Variants in UGT1A8 observed in about 807,000 individuals in gnomAD.
UGT1A8 encodes the protein UDP glucuronosyltransferase family 1 member A8, also known as UDP-glucuronosyltransferase 1A8.
Under a neutral mutation model 45.3 loss-of-function variants are expected in UGT1A8, and 39 were observed. The observed-to-expected ratio is 0.86, with a 90% CI of 0.67 to 1.12. The LOEUF (loss-of-function observed/expected upper bound fraction) is 1.12, where lower values mean the gene tolerates loss of function less well. Among genes scored for constraint, UGT1A8 ranks in the 50% most tolerant of loss-of-function variants. The pLI, the probability that UGT1A8 is intolerant of heterozygous loss-of-function variation, is 0.00. For missense variants in UGT1A8, 719 were observed against 664.9 expected (o/e 1.08, Z -0.90); for synonymous variants, 275 against 249.2 (o/e 1.10, Z -0.97).
In UGT1A8 at chr2:233,732,508, T is replaced by C. The variant is rs534063439; in HGVS notation, c.856-34526T>C. The stretch of plus-strand genomic sequence containing the variant: ...TGTATAAGGCGTAAGGAAGGGATCC[T>C]GTTCCAGCTTTCTACATATGGCCAG... On this transcript the variant is annotated intron_variant, in intron 1 of 4. Coordinates refer to ENST00000373450, the MANE Select transcript of UGT1A8 (RefSeq NM_019076.5). Among the ~76,000 whole-genome samples the C allele has an allele frequency of 1.1e-4, 16 of 152,348 alleles. 1 individual carries two copies. The South Asian group carries it at 3.3e-3, about 32-fold the overall frequency.
chr2:233,710,097 A>G (rs530644848), intron 1 of UGT1A8, among the ~76,000 whole-genome samples: 1 of 152,334 alleles, frequency 6.6e-6, no homozygotes, highest in South Asian at 2.1e-4. Flanking sequence ...TGCATGTATC[A>G]ATATTTCATT....
intron 1 of UGT1A8, among the ~76,000 whole-genome samples, chr2:233,674,762 C>T (rs1053532026): frequency 4.6e-5 from 7 of 152,106 alleles, no homozygotes; most frequent in Admixed American, 2.6e-4. Context: ...TATGACTATA[C>T]GTGTAAAGCC....
chr2:233,682,738 C>T, intron 1 of UGT1A8: 1 of 1,613,880 alleles, frequency 6.2e-7, no homozygotes, highest in Non-Finnish European at 8.5e-7. Context: ...CCGTGATGCC[C>T]AATATGATCT....
chr2:233,680,635 C>T (rs2074493231), intron 1 of UGT1A8, among the ~76,000 whole-genome samples: 1 of 152,090 alleles, frequency 6.6e-6, no homozygotes, highest in South Asian at 2.1e-4. Context: ...AATGAGAATT[C>T]CCATGGACTT....
chr2:233,623,938 G>T (rs535515002), intron 1 of UGT1A8, among the ~76,000 whole-genome samples: 1 of 152,008 alleles, frequency 6.6e-6, no homozygotes, highest in Non-Finnish European at 1.5e-5. Context: ...CATCCACAGG[G>T]GTCCTGCAAA....
chr2:233,635,413 A>G (rs2073265634), intron 1 of UGT1A8, among the ~76,000 whole-genome samples: 1 of 150,530 alleles, frequency 6.6e-6, no homozygotes, highest in Non-Finnish European at 1.5e-5. Context: ...ATTTTTTAAA[A>G]AATTATACTT....
rs185880509 is a variant in UGT1A8 at position 233,715,758 on chromosome 2, C to T, written c.856-51276C>T. 7.9e-5 allele frequency among the ~76,000 whole-genome samples: 12 copies of T among 152,156 alleles called. No individual in the cohort carries two copies. In the East Asian group the frequency reaches 1.9e-3, roughly 24 times the overall value. ...CCTCACTCCAGCCTGAGTGACAGAG[C>T]GAGGACCCATCTCAAAAAAATAAAA... On this transcript the variant is annotated intron_variant, in intron 1 of 4. Coordinates refer to ENST00000373450, the MANE Select transcript of UGT1A8 (RefSeq NM_019076.5).
At chr2:233,718,331 G>A (rs1043504676) in intron 1 of UGT1A8, among the ~76,000 whole-genome samples, 5 of 152,242 alleles carry the variant, frequency 3.3e-5, no homozygotes, top group African/African-American at 4.8e-5. Context: ...GCTTAGCAAT[G>A]TTGTATGTCT....
intron 1 of UGT1A8, chr2:233,740,955 A>G (rs1274225683): frequency 1.3e-5 from 2 of 151,640 alleles, no homozygotes; most frequent in Non-Finnish European, 2.9e-5. Flanking sequence ...TAGGTGTGGT[A>G]GCATTTCTGT....
At chr2:233,618,636 G>A (rs954077457) in intron 1 of UGT1A8, 74 bp downstream of exon 1, 20 of 1,525,874 alleles carry the variant, frequency 1.3e-5, no homozygotes, top group Non-Finnish European at 1.8e-5. Context: ...TTACTGAATT[G>A]TGATTTGACA....
chr2:233,730,805 C>T lies in UGT1A8; in HGVS notation c.856-36229C>T, dbSNP rs1300674674. On this transcript the variant is annotated intron_variant, in intron 1 of 4. Coordinates refer to ENST00000373450, the MANE Select transcript of UGT1A8 (RefSeq NM_019076.5). ...CTGGGGACAGTGATGAATGGACATG[C>T]GTCCAAGAAGGGAAGCATTTCTCAG... Among the ~76,000 whole-genome samples the T allele has an allele frequency of 3.3e-5, 5 of 152,230 alleles. 1 individual carries two copies. The highest frequency in any genetic ancestry group is 2.0e-4 in the Admixed American group (3 of 15,282).
At position 233,618,196 on chromosome 2, in the gene UGT1A8, C is replaced by G; in HGVS notation, c.489C>G (p.Leu163=). Reference sequence around the variant, plus strand: ...TAATTGTTGCCAAATATTTCTCCCTCCCCTCTGTGGTCTTCGCCAGGGGAA... The same window carrying G: ...TAATTGTTGCCAAATATTTCTCCCTGCCCTCTGTGGTCTTCGCCAGGGGAA... ...CGLIVAKYFS[L]PSVVFARGIA... Residue 163 remains leucine, a synonymous_variant, in exon 1 of 5, where the codon CTC becomes CTG. Transcript: ENST00000373450. 6.2e-7 allele frequency: 1 copy of G among 1,614,026 alleles called. No homozygotes were observed. The highest frequency in any genetic ancestry group is 8.5e-7 in the Non-Finnish European group (1 of 1,179,982).
In UGT1A8 at chr2:233,767,881, G is replaced by A. The variant is rs1468683280; in HGVS notation, c.1020G>A (p.Ser340=). The A allele has an allele frequency of 1.1e-5, 17 of 1,613,962 alleles. No individual in the cohort carries two copies. The highest frequency in any genetic ancestry group is 1.2e-5 in the Non-Finnish European group (14 of 1,180,050). ...VLWRYTGTRP[S]NLANNTILVK... is the part of the protein sequence containing the mutation. ...GGCGGTACACTGGAACCCGACCATC[G>A]AATCTTGCGAACAACACGATACTTG... The change falls in exon 3 of 5, where the codon TCG becomes TCA. Residue 340 remains serine, a synonymous_variant. Transcript: ENST00000373450.
At chr2:233,731,616 A>C (rs1404847931) in intron 1 of UGT1A8, among the ~76,000 whole-genome samples, 2 of 152,182 alleles carry the variant, frequency 1.3e-5, no homozygotes, top group Non-Finnish European at 2.9e-5. Flanking sequence ...ACATGAACTC[A>C]TCCTTTTTTA....
chr2:233,667,443 A>G (rs1353558153), intron 1 of UGT1A8, among the ~76,000 whole-genome samples: 2 of 152,354 alleles, frequency 1.3e-5, no homozygotes, highest in East Asian at 1.9e-4. Flanking sequence ...AAGAAAACCT[A>G]GGCATTACCA....
intron 1 of UGT1A8, among the ~76,000 whole-genome samples, chr2:233,636,120 T>C (rs935280559): frequency 5.3e-5 from 8 of 150,982 alleles, no homozygotes; most frequent in Non-Finnish European, 8.8e-5. Flanking sequence ...ACAGAGAGTA[T>C]TTGGTTGGCT....
At chr2:233,690,080 T>C (rs2074974385) in intron 1 of UGT1A8, among the ~76,000 whole-genome samples, 1 of 152,204 alleles carries the variant, frequency 6.6e-6, no homozygotes. Context: ...GCCTATCAAA[T>C]AGATTAAATT....
intron 1 of UGT1A8, chr2:233,744,014 C>A: frequency 9.4e-7 from 1 of 1,062,354 alleles, no homozygotes; most frequent in African/African-American, 1.7e-5. Flanking sequence ...CCTGGGCCGC[C>A]TGGAGAGACG....
chr2:233,635,854 A>G (rs1234121604), intron 1 of UGT1A8, among the ~76,000 whole-genome samples: 1 of 151,048 alleles, frequency 6.6e-6, no homozygotes, highest in African/African-American at 2.4e-5. Flanking sequence ...ACTGCATGCA[A>G]CGTATCTGAG....
Sources: gnomAD v4.1 joint callset for allele counts (sites outside exome capture counted in the v4.1 genomes callset) on GRCh38, gnomAD v4.1.1 for gene constraint, MANE v1.5 for transcripts, NCBI Gene and HGNC (gene_info 2026-07-23, HGNC 2026-07-21) for gene names.